The following DLG2 variants were observed in gnomAD, a reference collection of about 807,000 sequenced individuals.
The protein encoded by DLG2 is discs large MAGUK scaffold protein 2.
DLG2 carries 45 observed loss-of-function variants against 132.5 expected under a neutral mutation model. The ratio of observed to expected loss-of-function variants is 0.34; its 90% CI spans 0.27 to 0.44. The LOEUF (loss-of-function observed/expected upper bound fraction) is 0.44. Among genes scored for constraint, DLG2 ranks in the 20% least tolerant of loss-of-function variants. DLG2 has a pLI of 1.00. For missense variants in DLG2, 1,045 were observed against 1,196.9 expected, an observed-to-expected ratio of 0.87 and a Z score of 1.87; for synonymous variants, 424 against 419.6, an observed-to-expected ratio of 1.01 and a Z score of -0.13.
chr11:84,126,409 C>T (rs1199879165), intron 9 of DLG2, among the ~76,000 whole-genome samples: 1 of 151,994 alleles, frequency 6.6e-6, no homozygotes, highest in African/African-American at 2.4e-5. Context: ...AGAGGCTGGC[C>T]TTTTAAAGCA....
At chr11:84,914,380 A>C (rs1276153384) in intron 6 of DLG2, among the ~76,000 whole-genome samples, 2 of 152,210 alleles carry the variant, frequency 1.3e-5, no homozygotes, top group East Asian at 3.8e-4. Flanking sequence ...ACACAGTACA[A>C]TATCACTTCA....
intron 3 of DLG2, among the ~76,000 whole-genome samples, chr11:85,487,876 T>C (rs1158534757): frequency 6.6e-6 from 1 of 152,176 alleles, no homozygotes; most frequent in Non-Finnish European, 1.5e-5. Context: ...GACTGTCTAA[T>C]ATGGTTTGGC....
intron 7 of DLG2, among the ~76,000 whole-genome samples, chr11:84,313,543 A>AG (rs1431347282): frequency 8.4e-5 from 9 of 107,060 alleles, no homozygotes; most frequent in African/African-American, 2.6e-4. Context: ...AAAGGAAGGA[A>AG]GGAAGGGAGG....
chr11:83,473,129 T>C (rs1353954440), intron 22 of DLG2, among the ~76,000 whole-genome samples: 1 of 152,152 alleles, frequency 6.6e-6, no homozygotes, highest in African/African-American at 2.4e-5. Flanking sequence ...TCCAATTCAA[T>C]AGATGGCTGC....
At chr11:84,534,436 A>G in intron 7 of DLG2, 134 bp downstream of exon 7, 2 of 827,728 alleles carry the variant, frequency 2.4e-6, no homozygotes, top group South Asian at 1.8e-5. Flanking sequence ...TGCACAAGAA[A>G]GACCCTTTGG....
In DLG2 at chr11:84,246,900, A is replaced by C. The variant is rs184238898; in HGVS notation, c.573+4338T>G. Among the ~76,000 whole-genome samples the C allele has an allele frequency of 2.0e-5, 3 of 152,258 alleles. No individual in the cohort carries two copies. The East Asian group carries it at 5.8e-4, about 30-fold the overall frequency. The stretch of plus-strand genomic sequence containing the variant: ...GATTTTTTTTTGGTTGTGGTTACAC[A>C]CCAAAAATTGGCAATTACATGAGGT... On this transcript the variant is annotated intron_variant, in intron 8 of 27. Transcript: ENST00000376104.
chr11:84,628,909 T>C (rs2099627236), intron 6 of DLG2, among the ~76,000 whole-genome samples: 1 of 152,216 alleles, frequency 6.6e-6, no homozygotes, highest in Non-Finnish European at 1.5e-5. Context: ...ATGAATAGTC[T>C]GGCTGTGACC....
chr11:85,017,447 T>C (rs1346277480), intron 6 of DLG2, among the ~76,000 whole-genome samples: 4 of 152,098 alleles, frequency 2.6e-5, no homozygotes, highest in Non-Finnish European at 5.9e-5. Context: ...GATGACCTTC[T>C]CTCTGTCAAA....
chr11:85,465,524 C>G (rs1018633973), intron 3 of DLG2, among the ~76,000 whole-genome samples: 2 of 151,930 alleles, frequency 1.3e-5, no homozygotes, highest in Non-Finnish European at 2.9e-5. Flanking sequence ...TCTCATTGTT[C>G]AATTCCCACC....
At chr11:85,465,356 C>T (rs1232140914) in intron 3 of DLG2, among the ~76,000 whole-genome samples, 1 of 151,626 alleles carries the variant, frequency 6.6e-6, no homozygotes, top group Non-Finnish European at 1.5e-5. Context: ...GCACAATGTG[C>T]ACGTTTGTTA....
chr11:84,512,833 T>C (rs1447637582), intron 7 of DLG2, among the ~76,000 whole-genome samples: 2 of 152,096 alleles, frequency 1.3e-5, no homozygotes, highest in African/African-American at 2.4e-5. Flanking sequence ...TCACGTCCTT[T>C]GCAGGGACAT....
chr11:85,164,522 C>T (rs2078282665), intron 4 of DLG2, among the ~76,000 whole-genome samples: 1 of 152,146 alleles, frequency 6.6e-6, no homozygotes, highest in South Asian at 2.1e-4. Context: ...ATTATGCTCT[C>T]ATAGAAATAG....
At chr11:84,633,826 C>G (rs559469770) in intron 6 of DLG2, among the ~76,000 whole-genome samples, 3 of 152,178 alleles carry the variant, frequency 2.0e-5, no homozygotes, top group Admixed American at 2.0e-4. Context: ...GGCCTGCTCT[C>G]GTTGTTGGGT....
chr11:83,588,066 C>T (rs1474582761), intron 19 of DLG2, among the ~76,000 whole-genome samples: 4 of 152,126 alleles, frequency 2.6e-5, no homozygotes, highest in East Asian at 1.9e-4. Flanking sequence ...GAGGGGCGCC[C>T]GCCATTGCCC....
At chr11:83,692,934 T>C (rs1466815106) in intron 18 of DLG2, 1 of 152,146 alleles carries the variant, frequency 6.6e-6, no homozygotes, top group African/African-American at 2.4e-5. Context: ...ACTAGCTTGA[T>C]GCAATGAATC....
intron 6 of DLG2, among the ~76,000 whole-genome samples, chr11:84,908,327 T>C (rs2091744290): frequency 6.6e-6 from 1 of 152,204 alleles, no homozygotes; most frequent in African/African-American, 2.4e-5. Context: ...TTTTTCATAC[T>C]AAATCTTCAA....
chr11:85,204,428 T>C (rs532622215), intron 4 of DLG2, among the ~76,000 whole-genome samples: 1 of 152,152 alleles, frequency 6.6e-6, no homozygotes, highest in Non-Finnish European at 1.5e-5. Flanking sequence ...GGCAATCCCA[T>C]TAACAATAGT....
chr11:84,527,866 A>G (rs1178710988), intron 7 of DLG2, among the ~76,000 whole-genome samples: 1 of 150,760 alleles, frequency 6.6e-6, no homozygotes, highest in Non-Finnish European at 1.5e-5. Context: ...GGTAAGGAAG[A>G]AGAGGACAGC....
intron 17 of DLG2, among the ~76,000 whole-genome samples, chr11:83,798,846 T>A (rs2043547554): frequency 6.6e-6 from 1 of 152,204 alleles, no homozygotes; most frequent in Non-Finnish European, 1.5e-5. Flanking sequence ...TATTTTCATT[T>A]TTCCTGAAGT....
Sources: gnomAD v4.1 joint callset for allele counts (sites outside exome capture counted in the v4.1 genomes callset) on GRCh38, gnomAD v4.1.1 for gene constraint, MANE v1.5 for transcripts, NCBI Gene and HGNC (gene_info 2026-07-23, HGNC 2026-07-21) for gene names.